The following CCDC178 variants were observed in gnomAD, a reference collection of about 807,000 sequenced individuals.
The protein encoded by CCDC178 is coiled-coil domain-containing protein 178.
Under a neutral mutation model 117.4 loss-of-function variants are expected in CCDC178, and 126 were observed. That is an observed-to-expected ratio of 1.07 (90% confidence interval 0.93 to 1.24). CCDC178 has a LOEUF of 1.24. CCDC178 is among the 50% of genes most tolerant of loss of function. The probability of loss-of-function intolerance (pLI) is 0.00; values close to 1 mark genes in which losing one functional copy is unlikely to be tolerated. For missense variants in CCDC178, 1,030 were observed against 986.9 expected (o/e 1.04, Z -0.59); for synonymous variants, 283 against 313.4 (o/e 0.90, Z 1.02).
intron 21 of CCDC178, among the ~76,000 whole-genome samples, chr18:32,983,688 A>G (rs1179119365): frequency 2.0e-5 from 3 of 152,124 alleles, no homozygotes; most frequent in Non-Finnish European, 4.4e-5. Context: ...GAATATTCAA[A>G]TAATGGTTAC....
chr18:33,060,583 T>C (rs190842614), intron 21 of CCDC178, among the ~76,000 whole-genome samples: 12 of 152,230 alleles, frequency 7.9e-5, no homozygotes, highest in Admixed American at 6.5e-4. Context: ...AGTAGCACAT[T>C]CTTGCTGAGC....
At chr18:33,179,845 T>C (rs1240787932) in intron 20 of CCDC178, among the ~76,000 whole-genome samples, 1 of 152,068 alleles carries the variant, frequency 6.6e-6, no homozygotes, top group South Asian at 2.1e-4. Flanking sequence ...ATATTAGTTT[T>C]AACACCGCTA....
chr18:33,256,402 C>G (rs947244786), intron 14 of CCDC178, among the ~76,000 whole-genome samples: 1 of 152,016 alleles, frequency 6.6e-6, no homozygotes, highest in Non-Finnish European at 1.5e-5. Context: ...ACACCTTAGT[C>G]TTGAACAAAA....
intron 21 of CCDC178, among the ~76,000 whole-genome samples, chr18:33,046,894 T>A (rs947905281): frequency 6.6e-6 from 1 of 152,170 alleles, no homozygotes; most frequent in African/African-American, 2.4e-5. Flanking sequence ...ACTGCAGGTA[T>A]GGAGATATAG....
chr18:33,193,687 T>C (rs1464748914), intron 20 of CCDC178, among the ~76,000 whole-genome samples: 2 of 152,186 alleles, frequency 1.3e-5, no homozygotes, highest in Non-Finnish European at 2.9e-5. Context: ...ATATATCAAA[T>C]ACCCATAGTT....
intron 21 of CCDC178, among the ~76,000 whole-genome samples, chr18:33,075,734 C>T (rs1260968374): frequency 6.6e-6 from 1 of 151,886 alleles, no homozygotes; most frequent in Non-Finnish European, 1.5e-5. Flanking sequence ...TTTGGGAGGC[C>T]GAGGCAGGTG....
intron 20 of CCDC178, among the ~76,000 whole-genome samples, chr18:33,208,578 G>A (rs868742125): frequency 6.6e-6 from 1 of 151,996 alleles, no homozygotes; most frequent in African/African-American, 2.4e-5. Context: ...CTTGAATACA[G>A]TAATACTCAT....
chr18:33,261,378 C>T (rs990799883), intron 14 of CCDC178, among the ~76,000 whole-genome samples: 67 of 152,324 alleles, frequency 4.4e-4, no homozygotes, highest in Non-Finnish European at 5.7e-4. Context: ...CCACCACGCC[C>T]GGCCTGCATG....
chr18:33,047,285 C>A (rs917868623), intron 21 of CCDC178, among the ~76,000 whole-genome samples: 1 of 152,250 alleles, frequency 6.6e-6, no homozygotes, highest in South Asian at 2.1e-4. Flanking sequence ...TGTCCCAGGG[C>A]AGATTTTAGT....
chr18:33,204,603 C>T (rs750415763), intron 20 of CCDC178, among the ~76,000 whole-genome samples: 26 of 151,956 alleles, frequency 1.7e-4, no homozygotes, highest in Non-Finnish European at 3.5e-4. Context: ...AATTTATATA[C>T]CACCATTTGT....
intron 3 of CCDC178, among the ~76,000 whole-genome samples, chr18:33,409,143 T>G (rs2063818785): frequency 6.6e-6 from 1 of 152,194 alleles, no homozygotes; most frequent in Admixed American, 6.5e-5. Context: ...TCACCCAAGC[T>G]GGAGTGCAGA....
At position 33,297,879 on chromosome 18, in the gene CCDC178, A is replaced by C. The variant is rs956329453; in HGVS notation, c.1023-4567T>G. 3.3e-5 allele frequency among the ~76,000 whole-genome samples: 5 copies of C among 152,224 alleles called. No individual in the cohort carries two copies. The East Asian group carries it at 7.8e-4, about 24-fold the overall frequency. The stretch of plus-strand genomic sequence containing the variant: ...ACACGGTGAAACCCCGTCTCTACTA[A>C]AAATACAAAAAAATTCGCCAGACGT... On this transcript the variant is annotated intron_variant, in intron 11 of 22. Transcript: ENST00000383096.
intron 20 of CCDC178, among the ~76,000 whole-genome samples, chr18:33,203,763 C>A (rs1857065461): frequency 6.6e-6 from 1 of 152,186 alleles, no homozygotes; most frequent in Non-Finnish European, 1.5e-5. Flanking sequence ...CTAGCCTCAC[C>A]TATCATCCTC....
intron 21 of CCDC178, among the ~76,000 whole-genome samples, chr18:33,015,624 A>G (rs1261382464): frequency 6.6e-6 from 1 of 151,972 alleles, no homozygotes; most frequent in African/African-American, 2.4e-5. Context: ...CTAATTGGGG[A>G]AAATATGGTA....
chr18:33,045,627 G>A (rs2056628428), intron 21 of CCDC178, among the ~76,000 whole-genome samples: 1 of 152,150 alleles, frequency 6.6e-6, no homozygotes. Flanking sequence ...TTCTGATCTT[G>A]ATAAAGCAAT....
intron 22 of CCDC178, chr18:32,954,612 G>A (rs2144637741): frequency 6.6e-6 from 1 of 152,254 alleles, no homozygotes; most frequent in East Asian, 1.9e-4. Flanking sequence ...GAAGCAGGAA[G>A]AATATTCTCT....
chr18:33,242,747 G>GA (rs1599042834), intron 15 of CCDC178, among the ~76,000 whole-genome samples: 1 of 151,682 alleles, frequency 6.6e-6, no homozygotes, highest in Non-Finnish European at 1.5e-5. Context: ...ATACAAATAT[G>GA]AAAAAATAAC....
chr18:33,373,250 C>T (rs2063323764), intron 5 of CCDC178, among the ~76,000 whole-genome samples: 2 of 152,132 alleles, frequency 1.3e-5, no homozygotes, highest in Admixed American at 6.6e-5. Flanking sequence ...CACATGGACT[C>T]TCAGAGTCAG....
At chr18:32,969,475 A>G (rs930989350) in intron 22 of CCDC178, among the ~76,000 whole-genome samples, 2 of 151,684 alleles carry the variant, frequency 1.3e-5, no homozygotes, top group South Asian at 4.2e-4. Context: ...CCACTTTCCA[A>G]CCTCTCCCAT....
Sources: allele counts gnomAD v4.1 joint callset (sites outside exome capture counted in the v4.1 genomes callset), GRCh38; gene constraint gnomAD v4.1.1; transcripts MANE v1.5; gene names NCBI Gene and HGNC (gene_info 2026-07-23, HGNC 2026-07-21).